The following SORCS3 variants were observed in gnomAD, a reference collection of about 807,000 sequenced individuals.
The protein encoded by SORCS3 is VPS10 domain-containing receptor SorCS3.
Under a neutral mutation model 146.3 loss-of-function variants are expected in SORCS3, and 57 were observed. The observed-to-expected ratio is 0.39, with a 90% CI of 0.31 to 0.49. The LOEUF (loss-of-function observed/expected upper bound fraction) is 0.49, where lower values mean the gene tolerates loss of function less well. SORCS3 is among the 20% of genes least tolerant of loss of function. The probability of loss-of-function intolerance (pLI) is 0.92; values close to 1 mark genes in which losing one functional copy is unlikely to be tolerated. For missense variants in SORCS3, 1,341 were observed against 1,575.5 expected, an observed-to-expected ratio of 0.85 and a Z score of 2.52; for synonymous variants, 653 against 618.5, an observed-to-expected ratio of 1.06 and a Z score of -0.83.
chr10:105,007,856 T>C (rs138109112), intron 4 of SORCS3, among the ~76,000 whole-genome samples: 2 of 152,172 alleles, frequency 1.3e-5, no homozygotes, highest in South Asian at 4.1e-4. Flanking sequence ...GGAAAGAAAT[T>C]TGAAATCAGG....
At chr10:104,697,034 G>GTTCT (rs2016224743) in intron 1 of SORCS3, among the ~76,000 whole-genome samples, 1 of 151,482 alleles carries the variant, frequency 6.6e-6, no homozygotes, top group African/African-American at 2.4e-5. Context: ...AACCAGTTCT[G>GTTCT]GGGATCTAAT....
chr10:104,672,047 A>T (rs2015861837), intron 1 of SORCS3, among the ~76,000 whole-genome samples: 1 of 152,166 alleles, frequency 6.6e-6, no homozygotes, highest in Non-Finnish European at 1.5e-5. Flanking sequence ...TTTAAGAAGG[A>T]TTGGTGATAG....
At chr10:105,156,067 A>T (rs1282952646) in intron 9 of SORCS3, among the ~76,000 whole-genome samples, 2 of 152,228 alleles carry the variant, frequency 1.3e-5, no homozygotes, top group Non-Finnish European at 2.9e-5. Flanking sequence ...ATTCTCTCCG[A>T]AGTGAGTAAA....
At chr10:105,232,390 C>G (rs1426333865) in intron 20 of SORCS3, among the ~76,000 whole-genome samples, 1 of 151,892 alleles carries the variant, frequency 6.6e-6, no homozygotes, top group Non-Finnish European at 1.5e-5. Flanking sequence ...GTGATGTCCC[C>G]TCTTTCATTT....
chr10:104,921,503 CTGTGTGTGTG>C (rs752411926), intron 3 of SORCS3, among the ~76,000 whole-genome samples: 60 of 143,588 alleles, frequency 4.2e-4, no homozygotes, highest in Admixed American at 1.7e-3. Flanking sequence ...CTCTCTCTCT[CTGTGTGTGTG>C]TGTGTGTGTG....
chr10:105,263,472 T>A lies in SORCS3; in HGVS notation c.*98T>A, dbSNP rs1454363067. 2.4e-6 allele frequency: 3 copies of A among 1,249,810 alleles called. No homozygotes were observed. The African/African-American group carries it at 4.5e-5, about 19-fold the overall frequency. The allele number at this position is 1,249,810 out of a possible 1,614,324, so 77.4% of individuals were successfully genotyped here. Reference sequence around the variant, plus strand: ...AAAAATTAAAATGTCTTTTTTACCTTTTGTTTACCAAGGGCCCCTTCATAA... The same window carrying A: ...AAAAATTAAAATGTCTTTTTTACCTATTGTTTACCAAGGGCCCCTTCATAA... On this transcript the variant is annotated 3_prime_UTR_variant, in exon 27 of 27. Coordinates refer to ENST00000369701, the MANE Select transcript of SORCS3 (RefSeq NM_014978.3).
intron 11 of SORCS3, among the ~76,000 whole-genome samples, chr10:105,162,111 G>C (rs2056270033): frequency 6.6e-6 from 1 of 152,200 alleles, no homozygotes; most frequent in South Asian, 2.1e-4. Context: ...GTGGTGGTGA[G>C]AGAAGCGTAG....
intron 5 of SORCS3, among the ~76,000 whole-genome samples, chr10:105,078,272 T>A (rs1447503806): frequency 6.6e-6 from 1 of 152,146 alleles, no homozygotes; most frequent in Non-Finnish European, 1.5e-5. Context: ...TTCAGCTACT[T>A]AACAGATATT....
intron 1 of SORCS3, among the ~76,000 whole-genome samples, chr10:104,646,674 C>G (rs2015499105): frequency 6.6e-6 from 1 of 152,158 alleles, no homozygotes; most frequent in East Asian, 1.9e-4. Context: ...CTTTTGGCCT[C>G]TTGGCTGGTT....
intron 7 of SORCS3, among the ~76,000 whole-genome samples, chr10:105,114,869 T>C (rs1464614750): frequency 1.3e-5 from 2 of 152,214 alleles, no homozygotes; most frequent in Non-Finnish European, 2.9e-5. Flanking sequence ...TCTAGGATGA[T>C]ACCAGTACTA....
At chr10:104,882,729 G>A (rs150001950) in intron 2 of SORCS3, among the ~76,000 whole-genome samples, 1 of 152,236 alleles carries the variant, frequency 6.6e-6, no homozygotes, top group East Asian at 1.9e-4. Context: ...ATTTGATACA[G>A]CCCAGTCCTC....
intron 20 of SORCS3, among the ~76,000 whole-genome samples, chr10:105,235,067 T>G (rs543542269): frequency 6.6e-6 from 1 of 152,210 alleles, no homozygotes; most frequent in African/African-American, 2.4e-5. Context: ...TTCTGTTTGT[T>G]CTCCCTCTCC....
Position 105,129,331 on chromosome 10 carries a change from C to CTCT in SORCS3, c.1213-10065_1213-10064insCTT, listed in dbSNP as rs1172062304. 1.3e-3 allele frequency among the ~76,000 whole-genome samples: 140 copies of CTCT among 104,616 alleles called. 6 individuals are homozygous for CTCT. The highest frequency in any genetic ancestry group is 5.2e-3 in the African/African-American group (133 of 25,654). The allele number at this position is 104,616 out of a possible 152,430, so 68.6% of individuals were successfully genotyped here. ...CTTTCTCTTTTCTTTCTTTCTTTCT[C>CTCT]TTTTTTTTTTTTTTTTTTTTTTTTT... On this transcript the variant is annotated intron_variant, in intron 7 of 26. Transcript: ENST00000369701.
chr10:105,216,889 T>C (rs2056668162), intron 18 of SORCS3, 47 bp from the exon 19 acceptor site: 1 of 1,596,418 alleles, frequency 6.3e-7, no homozygotes, highest in Non-Finnish European at 8.6e-7. Flanking sequence ...CAGATAGGAG[T>C]CTGGCTGGAC....
intron 7 of SORCS3, among the ~76,000 whole-genome samples, chr10:105,125,205 T>C (rs1412205440): frequency 6.6e-6 from 1 of 152,178 alleles, no homozygotes; most frequent in Non-Finnish European, 1.5e-5. Context: ...TTTTAAAGAT[T>C]TGTCCTAAAC....
intron 1 of SORCS3, among the ~76,000 whole-genome samples, chr10:104,709,405 CT>C (rs997669546): frequency 6.6e-6 from 1 of 152,082 alleles, no homozygotes; most frequent in Non-Finnish European, 1.5e-5. Flanking sequence ...CAATTCTCCC[CT>C]GTTTTTTTGA....
intron 3 of SORCS3, among the ~76,000 whole-genome samples, chr10:104,922,054 G>C (rs948482999): frequency 6.6e-6 from 1 of 152,208 alleles, no homozygotes; most frequent in Non-Finnish European, 1.5e-5. Flanking sequence ...CAAGCTGTTC[G>C]AGAGGCACCG....
intron 3 of SORCS3, among the ~76,000 whole-genome samples, chr10:104,970,765 A>C: frequency 6.6e-6 from 1 of 152,230 alleles, no homozygotes; most frequent in Non-Finnish European, 1.5e-5. Flanking sequence ...TAAAGGAATA[A>C]AAGAGGGAAA....
intron 4 of SORCS3, among the ~76,000 whole-genome samples, chr10:104,986,388 G>T (rs1298834692): frequency 6.6e-6 from 1 of 152,158 alleles, no homozygotes; most frequent in African/African-American, 2.4e-5. Flanking sequence ...TGGGTGATTT[G>T]ATCTTGTATC....
Sources: allele counts gnomAD v4.1 joint callset (sites outside exome capture counted in the v4.1 genomes callset), GRCh38; gene constraint gnomAD v4.1.1; transcripts MANE v1.5; gene names NCBI Gene and HGNC (gene_info 2026-07-23, HGNC 2026-07-21).